The following ZNF483 variants were observed in gnomAD, a reference collection of about 807,000 sequenced individuals.
ZNF483 encodes the protein zinc finger protein HIT-10.
In ZNF483, 9 loss-of-function variants were observed where a neutral mutation model predicts 28.6. The observed-to-expected ratio is 0.32, with a 90% CI of 0.19 to 0.55. ZNF483 has a LOEUF of 0.55. Among genes scored for constraint, ZNF483 ranks in the 20% least tolerant of loss-of-function variants. The pLI is 0.93. For missense variants in ZNF483, 675 were observed against 871.7 expected (o/e 0.77, Z 2.84); for synonymous variants, 322 against 306.2 (o/e 1.05, Z -0.54).
intron 5 of ZNF483, among the ~76,000 whole-genome samples, chr9:111,535,889 ATAT>A (rs1827484257): frequency 7.2e-6 from 1 of 139,098 alleles, no homozygotes; most frequent in Non-Finnish European, 1.5e-5. Flanking sequence ...CAATTTATAT[ATAT>A]TATTATTCTT....
At chr9:111,562,050 TA>T (rs2132311906) in intron 5 of ZNF483, among the ~76,000 whole-genome samples, 1 of 152,270 alleles carries the variant, frequency 6.6e-6, no homozygotes, top group African/African-American at 2.4e-5. Flanking sequence ...CATGCCCAGC[TA>T]ATTTTTGTAT....
downstream of ZNF483, among the ~76,000 whole-genome samples, chr9:111,559,028 C>T (rs769904073): frequency 2.9e-4 from 44 of 152,108 alleles, no homozygotes; most frequent in Non-Finnish European, 5.4e-4. Context: ...CTCTTGCCTC[C>T]CCATGTGGTT....
chr9:111,569,193 C>T (rs528585390), intron 5 of ZNF483, among the ~76,000 whole-genome samples: 1 of 152,234 alleles, frequency 6.6e-6, no homozygotes, highest in Non-Finnish European at 1.5e-5. Flanking sequence ...TGGGAACTCC[C>T]AGCATACTGA....
chr9:111,545,968 A>C lies in ZNF483; in HGVS notation c.*2798A>C, dbSNP rs929097541. 6.6e-6 allele frequency among the ~76,000 whole-genome samples: 1 copy of C among 152,162 alleles called. No individual in the cohort carries two copies. The highest frequency in any genetic ancestry group is 2.4e-5 in the African/African-American group (1 of 41,452). On this transcript the variant is annotated 3_prime_UTR_variant, in exon 6 of 6. Coordinates refer to ENST00000309235, the MANE Select transcript of ZNF483 (RefSeq NM_133464.5). ...CGGTAAATTTTCATTTAACTTTTTT[A>C]GGAAACTGCCAAATTGTTTTCCAAA...
downstream of ZNF483, among the ~76,000 whole-genome samples, chr9:111,559,284 A>T (rs1039222203): frequency 6.6e-6 from 1 of 151,444 alleles, no homozygotes; most frequent in African/African-American, 2.4e-5. Flanking sequence ...GGGCCCTTAA[A>T]CTCCATGCCA....
chr9:111,541,928 G>T lies in ZNF483; in HGVS notation c.993G>T (p.Arg331Ser). 2 of 1,614,112 alleles carry T rather than the reference G, an allele frequency of 1.2e-6. No homozygotes were observed. Among genetic ancestry groups the T allele is most frequent in the South Asian group, 1.1e-5 (1 of 91,066 alleles). ...TCTACTTGAGGAAGAAATCTCGGAGGTATAATGAAAGCAAGAAACCCTTCA... is the reference window on the plus strand; with the variant it reads ...TCTACTTGAGGAAGAAATCTCGGAGTTATAATGAAAGCAAGAAACCCTTCA... The part of the protein sequence containing the change: ...LRVYLRKKSR[R>S]YNESKKPFSF... Residue 331 changes from arginine (R) to serine (S), a missense_variant, in exon 6 of 6, where the codon AGG becomes AGT. Around this residue, in one of 6 missense-constraint regions of ZNF483, gnomAD observed 525 missense variants for 581.8 expected, o/e 0.90. Transcript: ENST00000309235.
rs547759643 is a variant in ZNF483 at position 111,543,976 on chromosome 9, G to A, written c.*806G>A. ...ATGCAGTATACTTTTTGAAAACTTC[G>A]TGCAGGAATCCCTCAAATGCTGTAA... On this transcript the variant is annotated 3_prime_UTR_variant, in exon 6 of 6. Transcript: ENST00000309235. 1.6e-5 allele frequency: 16 copies of A among 985,174 alleles called. No homozygotes were observed. The highest frequency in any genetic ancestry group is 2.3e-4 in the East Asian group (2 of 8,804). 61.0% of individuals were successfully genotyped at this position (985,174 alleles called of 1,614,324 possible).
At chr9:111,527,137 G>C (rs1391876787) in intron 1 of ZNF483, 131 bp from the exon 2 acceptor site, 1 of 301,222 alleles carries the variant, frequency 3.3e-6, no homozygotes, top group Non-Finnish European at 6.1e-6. Flanking sequence ...CCTTTTAATT[G>C]AGCAGGGCTT....
chr9:111,533,017 T>G (rs1827388643), intron 3 of ZNF483, among the ~76,000 whole-genome samples: 1 of 152,256 alleles, frequency 6.6e-6, no homozygotes, highest in Non-Finnish European at 1.5e-5. Context: ...ATAGATTCTC[T>G]GAATATGATG....
chr9:111,559,123 A>G (rs1255010623), downstream of ZNF483, among the ~76,000 whole-genome samples: 2 of 152,032 alleles, frequency 1.3e-5, no homozygotes, highest in Admixed American at 1.3e-4. Flanking sequence ...CCTCCCTGCC[A>G]AGCTATCCAT....
At position 111,534,254 on chromosome 9, in the gene ZNF483, T is replaced by C. The variant is rs749007450; in HGVS notation, c.629-7T>C. 4 of 1,612,970 alleles carry C rather than the reference T, an allele frequency of 2.5e-6. No individual in the cohort carries two copies. The highest frequency in any genetic ancestry group is 1.7e-5 in the Admixed American group (1 of 59,962). On this transcript the variant is annotated splice_polypyrimidine_tract_variant and splice_region_variant and intron_variant, in intron 4 of 5. Transcript: ENST00000309235. Reference sequence around the variant, plus strand: ...CAGCAATTTTCTGTTCTTTTCTCTATGAGCAGACTTTCCAGTTTCAAAATT... The same window carrying C: ...CAGCAATTTTCTGTTCTTTTCTCTACGAGCAGACTTTCCAGTTTCAAAATT...
chr9:111,560,347 G>A (rs1185161752), downstream of ZNF483, among the ~76,000 whole-genome samples: 2 of 151,778 alleles, frequency 1.3e-5, no homozygotes, highest in Non-Finnish European at 2.9e-5. Context: ...GGTGGTGGGC[G>A]CCTGTAGTCC....
intron 5 of ZNF483, among the ~76,000 whole-genome samples, chr9:111,538,126 G>GT (rs368334957): frequency 0.034 from 4,910 of 142,548 alleles, 280 homozygotes; most frequent in African/African-American, 0.12. Flanking sequence ...TTTTGGGGTT[G>GT]TTTTTTTTTT....
chr9:111,527,896 A>C, intron 2 of ZNF483, 89 bp downstream of exon 2: 2 of 1,602,592 alleles, frequency 1.2e-6, no homozygotes, highest in Non-Finnish European at 1.7e-6. Context: ...TTACTGCTAA[A>C]GAGGAGTCTG....
chr9:111,530,681 G>T (rs1007358754), intron 2 of ZNF483, among the ~76,000 whole-genome samples, 194 bp from the exon 3 acceptor site: 3 of 146,746 alleles, frequency 2.0e-5, no homozygotes, highest in African/African-American at 7.6e-5. Context: ...CACATATCTG[G>T]AGTCACAGAA....
exon 6 of ZNF483, chr9:111,576,475 T>A: frequency 6.2e-7 from 1 of 1,609,036 alleles, no homozygotes; most frequent in Non-Finnish European, 8.5e-7. Context: ...ATGGGGCCAC[T>A]GCAGTGCAGT....
chr9:111,543,779 T>C lies in ZNF483; in HGVS notation c.*609T>C, dbSNP rs1589277028. The stretch of plus-strand genomic sequence containing the variant: ...GGACTTCTTTTCTTTTTTTTTTCTT[T>C]TTTTTTTTTCAATTTTTCTTTTTTG... On this transcript the variant is annotated 3_prime_UTR_variant, in exon 6 of 6. Coordinates refer to ENST00000309235, the MANE Select transcript of ZNF483 (RefSeq NM_133464.5). 1 of 888,588 alleles carries C rather than the reference T, an allele frequency of 1.1e-6. No individual in the cohort carries two copies. The highest frequency in any genetic ancestry group is 1.3e-6 in the Non-Finnish European group (1 of 746,236). The allele number at this position is 888,588 out of a possible 1,614,324, so 55.0% of individuals were successfully genotyped here. A position where few individuals can be genotyped will look rare whatever the true frequency, so the allele number is the denominator to read the frequency against.
chr9:111,543,878 CTGAGTAGCTG>C lies in ZNF483; in HGVS notation c.*709_*718del, dbSNP rs1827739007. The C allele has an allele frequency of 1.0e-6, 1 of 983,146 alleles. No individual in the cohort carries two copies. Among genetic ancestry groups the C allele is most frequent in the Non-Finnish European group, 1.2e-6 (1 of 828,622 alleles). The allele number at this position is 983,146 out of a possible 1,614,324, so 60.9% of individuals were successfully genotyped here. On this transcript the variant is annotated 3_prime_UTR_variant, in exon 6 of 6. Coordinates refer to ENST00000309235, the MANE Select transcript of ZNF483 (RefSeq NM_133464.5). Reference sequence around the variant, plus strand: ...CAAGTGATCCTTCCATCTCACTTTCCTGAGTAGCTGACATTACGGGTACACTCCATCAAGC... The same window carrying C: ...CAAGTGATCCTTCCATCTCACTTTCCACATTACGGGTACACTCCATCAAGC...
At position 111,548,750 on chromosome 9, in the gene ZNF483, A is replaced by G. The variant is rs1457255963; in HGVS notation, c.*5580A>G. The stretch of plus-strand genomic sequence containing the variant: ...ATTTGACCTTTATTATGTTAAGGTA[A>G]TTTCCTTTTATTGATAAATTCTTGT... On this transcript the variant is annotated 3_prime_UTR_variant, in exon 6 of 6. Transcript: ENST00000309235. 6.6e-6 allele frequency among the ~76,000 whole-genome samples: 1 copy of G among 150,586 alleles called. No homozygotes were observed. The highest frequency in any genetic ancestry group is 1.5e-5 in the Non-Finnish European group (1 of 67,788).
Sources: gnomAD v4.1 joint callset for allele counts (sites outside exome capture counted in the v4.1 genomes callset) on GRCh38, gnomAD v4.1.1 for gene constraint, gnomAD v4.1.1 regional missense constraint, MANE v1.5 for transcripts, NCBI Gene and HGNC (gene_info 2026-07-23, HGNC 2026-07-21) for gene names.